The following SUSD6 variants were observed in gnomAD, a reference collection of about 807,000 sequenced individuals.
The protein encoded by SUSD6 is sushi domain containing 6.
A neutral mutation model predicts 28.4 loss-of-function variants in SUSD6; 16 were observed. The observed-to-expected ratio is 0.56, with a 90% confidence interval of 0.38 to 0.86. The LOEUF (loss-of-function observed/expected upper bound fraction) is 0.86, where lower values mean the gene tolerates loss of function less well. Ranked by LOEUF, SUSD6 falls within the 40% of genes least tolerant of loss-of-function variation. The probability of loss-of-function intolerance (pLI) is 0.00; values close to 1 mark genes in which losing one functional copy is unlikely to be tolerated. For synonymous variants in SUSD6, 147 were observed against 159.6 expected (o/e 0.92, Z 0.59); for missense variants, 341 against 384.2 (o/e 0.89, Z 0.94).
chr14:69,690,503 A>T (rs1886137451), intron 2 of SUSD6, among the ~76,000 whole-genome samples: 1 of 152,206 alleles, frequency 6.6e-6, no homozygotes, highest in Admixed American at 6.5e-5. Flanking sequence ...GAAAGCTTGT[A>T]AGAGGAGCAG....
At chr14:69,642,931 A>G (rs996371812) in intron 1 of SUSD6, among the ~76,000 whole-genome samples, 7 of 152,148 alleles carry the variant, frequency 4.6e-5, no homozygotes, top group African/African-American at 1.7e-4. Flanking sequence ...TCTCCTTTTC[A>G]ATTAATTTGC....
intron 2 of SUSD6, among the ~76,000 whole-genome samples, chr14:69,681,658 T>C (rs999517123): frequency 6.6e-6 from 1 of 152,240 alleles, no homozygotes; most frequent in Non-Finnish European, 1.5e-5. Context: ...TATAGCCTTT[T>C]CATTACTTCT....
rs879178849 is a variant in SUSD6, at chr14:69,629,896, C to T, written c.-81+18068C>T. On this transcript the variant is annotated intron_variant, in intron 1 of 5. Transcript: ENST00000342745. ...GTGGGCAAACAGCTCCCACGGTCGG[C>T]GGTTGAACCAGTTCCTATTCTTTCT... is the stretch of plus-strand genomic sequence containing the variant. 2.0e-5 allele frequency among the ~76,000 whole-genome samples: 3 copies of T among 152,242 alleles called. No homozygotes were observed. In the East Asian group the frequency reaches 5.8e-4, roughly 29 times the overall value.
intron 1 of SUSD6, among the ~76,000 whole-genome samples, chr14:69,627,514 G>C (rs1351295644): frequency 6.6e-6 from 1 of 152,174 alleles, no homozygotes. Flanking sequence ...GTCTCACTCT[G>C]TTCCCCAGGC....
At chr14:69,707,705 C>T (rs1886405013) in intron 4 of SUSD6, among the ~76,000 whole-genome samples, 3 of 151,992 alleles carry the variant, frequency 2.0e-5, no homozygotes, top group African/African-American at 7.3e-5. Context: ...TGTGATCACG[C>T]CACTGCACTG....
At chr14:69,639,230 AGGCAGGAGAATGGC>A (rs1885311795) in intron 1 of SUSD6, among the ~76,000 whole-genome samples, 1 of 137,050 alleles carries the variant, frequency 7.3e-6, no homozygotes, top group Admixed American at 8.1e-5. Flanking sequence ...CGGGAGGCTG[AGGCAGGAGAATGGC>A]GTGAACCCGG....
rs530374008 is a variant in SUSD6 at position 69,669,067 on chromosome 14, T to C, written c.121+10354T>C. ...TATTTTTTTTCTTTTCTTTTCTTTT[T>C]TTTTTTTTTTTTTTTGAGACAGAGT... On this transcript the variant is annotated intron_variant, in intron 2 of 5. Transcript: ENST00000342745. Among the ~76,000 whole-genome samples the C allele has an allele frequency of 1.2e-3, 156 of 131,664 alleles. 1 individual carries two copies. The highest frequency in any genetic ancestry group is 3.0e-3 in the African/African-American group (105 of 35,252). 86.4% of individuals were successfully genotyped at this position (131,664 alleles called of 152,430 possible).
chr14:69,639,025 T>TTAGAAG (rs1885307680), intron 1 of SUSD6, among the ~76,000 whole-genome samples: 3 of 152,190 alleles, frequency 2.0e-5, no homozygotes, highest in Admixed American at 2.0e-4. Flanking sequence ...CTTTGGATCA[T>TTAGAAG]TAGAAGTAGA....
intron 2 of SUSD6, among the ~76,000 whole-genome samples, chr14:69,669,358 G>A (rs1205403312): frequency 2.0e-5 from 3 of 152,096 alleles, no homozygotes; most frequent in Admixed American, 1.3e-4. Context: ...CAGTGCTCCT[G>A]GCCTCAAGTA....
At chr14:69,678,476 G>T (rs1885948158) in intron 2 of SUSD6, among the ~76,000 whole-genome samples, 2 of 151,982 alleles carry the variant, frequency 1.3e-5, no homozygotes. Context: ...CTCACTGATG[G>T]ATCTATGGGC....
rs564286469 is a variant in SUSD6, at chr14:69,677,372, C to T, written c.121+18659C>T. Among the ~76,000 whole-genome samples the T allele has an allele frequency of 9.7e-4, 146 of 151,064 alleles. 1 individual carries two copies. The highest frequency in any genetic ancestry group is 1.4e-3 in the Non-Finnish European group (93 of 67,426). ...TATCCTGGCTAACACGGTGAAACCC[C>T]GTCTCTACTAAAAATACAAAAAAAA... On this transcript the variant is annotated intron_variant, in intron 2 of 5. Coordinates refer to ENST00000342745, the MANE Select transcript of SUSD6 (RefSeq NM_014734.4).
intron 2 of SUSD6, among the ~76,000 whole-genome samples, chr14:69,688,366 G>T (rs577136266): frequency 9.2e-5 from 14 of 152,340 alleles, no homozygotes; most frequent in African/African-American, 3.4e-4. Flanking sequence ...TATAGAGCAT[G>T]AGCCTGGACG....
chr14:69,620,128 C>T (rs893590712), intron 1 of SUSD6, among the ~76,000 whole-genome samples: 1 of 152,180 alleles, frequency 6.6e-6, no homozygotes, highest in Non-Finnish European at 1.5e-5. Flanking sequence ...CTGGTCTACC[C>T]CTTTATCAAT....
chr14:69,647,600 A>G (rs1477930816), intron 1 of SUSD6, among the ~76,000 whole-genome samples: 1 of 152,016 alleles, frequency 6.6e-6, no homozygotes, highest in Non-Finnish European at 1.5e-5. Flanking sequence ...GAGGATGTGT[A>G]TTTAACCGTT....
intron 2 of SUSD6, among the ~76,000 whole-genome samples, chr14:69,666,219 C>G (rs954513589): frequency 3.9e-5 from 6 of 152,164 alleles, no homozygotes; most frequent in African/African-American, 1.4e-4. Context: ...GTTGGTTTCC[C>G]ATACATGAAG....
In SUSD6 at chr14:69,648,044, G is replaced by A. The variant is rs371006570; in HGVS notation, c.-80-10469G>A. Among the ~76,000 whole-genome samples the A allele has an allele frequency of 7.9e-5, 12 of 152,128 alleles. No homozygotes were observed. In the East Asian group the frequency reaches 1.9e-3, roughly 24 times the overall value. On this transcript the variant is annotated intron_variant, in intron 1 of 5. Coordinates refer to ENST00000342745, the MANE Select transcript of SUSD6 (RefSeq NM_014734.4). ...CAGAGAAGCTCTTCAAGTAGAGATCGTCTGGTCCAGCCCTGCATTTTCAGA... is the reference window on the plus strand; with the variant it reads ...CAGAGAAGCTCTTCAAGTAGAGATCATCTGGTCCAGCCCTGCATTTTCAGA...
rs1886454101 is a variant in SUSD6, at chr14:69,711,005, G to A, written c.*26G>A. On this transcript the variant is annotated 3_prime_UTR_variant, in exon 6 of 6. Coordinates refer to ENST00000342745, the MANE Select transcript of SUSD6 (RefSeq NM_014734.4). ...GGGCAGCGGCCAGCCTTTCCTCTCT[G>A]CGAGGTTCTCTCAGCCCTTCCTCCC... The A allele has an allele frequency of 6.2e-7, 1 of 1,613,064 alleles. No individual in the cohort carries two copies. The highest frequency in any genetic ancestry group is 8.5e-7 in the Non-Finnish European group (1 of 1,179,072).
rs80270790 is a variant in SUSD6 at position 69,694,718 on chromosome 14, G to C, written c.122-8677G>C. Among the ~76,000 whole-genome samples, 165 of 152,318 alleles carry C rather than the reference G, an allele frequency of 1.1e-3. 1 individual carries two copies. Among genetic ancestry groups the C allele is most frequent in the African/African-American group, 3.6e-3 (150 of 41,572 alleles). On this transcript the variant is annotated intron_variant, in intron 2 of 5. Transcript: ENST00000342745. ...CCAGGTGACAGGAGTTTTTATGTTT[G>C]AGGCAGGGTGCAGTAAAAGAAAGTG...
chr14:69,687,945 G>A (rs1886097687), intron 2 of SUSD6, among the ~76,000 whole-genome samples: 1 of 151,970 alleles, frequency 6.6e-6, no homozygotes, highest in Non-Finnish European at 1.5e-5. Context: ...AGTCTCAGCA[G>A]TATAAATACT....
Sources: gnomAD v4.1 joint callset for allele counts (sites outside exome capture counted in the v4.1 genomes callset) on GRCh38, gnomAD v4.1.1 for gene constraint, MANE v1.5 for transcripts, NCBI Gene and HGNC (gene_info 2026-07-23, HGNC 2026-07-21) for gene names.